Variants in TOM1L1 observed in about 807,000 individuals in gnomAD.
TOM1L1 encodes the protein target of myb1 like 1 membrane trafficking protein, also known as TOM1-like protein 1.
Under a neutral mutation model 63.4 loss-of-function variants are expected in TOM1L1, and 64 were observed. That is an observed-to-expected ratio of 1.01 (90% CI 0.83 to 1.24). The LOEUF is 1.24. TOM1L1 is among the 50% of genes most tolerant of loss of function. TOM1L1 has a pLI of 0.00. For missense variants in TOM1L1, 536 were observed against 567.0 expected, an observed-to-expected ratio of 0.95 and a Z score of 0.55; for synonymous variants, 166 against 194.4, an observed-to-expected ratio of 0.85 and a Z score of 1.22.
chr17:54,905,623 T>C, intron 3 of TOM1L1, 56 bp downstream of exon 3: 1 of 1,127,730 alleles, frequency 8.9e-7, no homozygotes, highest in Non-Finnish European at 1.3e-6. Context: ...TATAGTTACA[T>C]TTTTAATCCT....
At chr17:54,943,801 AC>A (rs2049071742) in intron 11 of TOM1L1, among the ~76,000 whole-genome samples, 1 of 151,778 alleles carries the variant, frequency 6.6e-6, no homozygotes, top group Non-Finnish European at 1.5e-5. Context: ...ATACGGTGAA[AC>A]CCTGTCTCTA....
chr17:54,928,376 A>C (rs576525554), intron 7 of TOM1L1, among the ~76,000 whole-genome samples: 103 of 151,264 alleles, frequency 6.8e-4, no homozygotes, highest in Non-Finnish European at 1.0e-3. Context: ...CCAAAAAAAA[A>C]CAAAACAACA....
Position 54,930,062 on chromosome 17 carries a change from T to C in TOM1L1, c.721-11T>C, listed in dbSNP as rs1485840405. The C allele has an allele frequency of 6.2e-7, 1 of 1,614,002 alleles. No homozygotes were observed. The highest frequency in any genetic ancestry group is 8.5e-7 in the Non-Finnish European group (1 of 1,179,944). On this transcript the variant is annotated splice_polypyrimidine_tract_variant and intron_variant, in intron 7 of 15. Transcript: ENST00000575882. The stretch of plus-strand genomic sequence containing the variant: ...GTGTGGAAGAAGAAATCTCTCTCCT[T>C]TCTTTGACAGAAACTCTATAAAACA...
In TOM1L1 at chr17:54,915,804, C is replaced by T. The variant is rs1368208600; in HGVS notation, c.662C>T (p.Ala221Val). The T allele has an allele frequency of 6.2e-7, 1 of 1,613,442 alleles. No homozygotes were observed. The highest frequency in any genetic ancestry group is 8.5e-7 in the Non-Finnish European group (1 of 1,179,736). The part of the protein sequence containing the change: ...MVKMNVRVMS[A>V]ILMENTPGSE... ...AAAATGAATGTGCGAGTGATGTCCG[C>T]CATATTGATGGAGAATACTCCTGGG... The change falls in exon 7 of 16, where the codon GCC becomes GTC. Residue 221 changes from alanine (A) to valine (V), a missense_variant. Transcript: ENST00000575882.
chr17:54,930,258 C>T (rs776153364), intron 8 of TOM1L1, 52 bp downstream of exon 8: 1 of 1,608,064 alleles, frequency 6.2e-7, no homozygotes, highest in South Asian at 1.1e-5. Context: ...ACTTTCACCA[C>T]CAATTACTCA....
chr17:54,958,747 A>G (rs117454107), intron 14 of TOM1L1, among the ~76,000 whole-genome samples: 3 of 114,962 alleles, frequency 2.6e-5, no homozygotes, highest in Admixed American at 8.7e-5. Context: ...AAAAAAAAAA[A>G]AGGGGTTGTT....
In TOM1L1 at chr17:54,903,210, T is replaced by TA. The variant is rs200654966; in HGVS notation, c.59-493dup. 1.1e-3 allele frequency among the ~76,000 whole-genome samples: 172 copies of TA among 152,334 alleles called. 2 individuals are homozygous for TA. In the East Asian group the frequency reaches 0.032, roughly 28 times the overall value. ...GTCCCCCCAGAGAATAAATTATTTT[T>TA]AAAAACAAACAGTGGGACCAAACAA... On this transcript the variant is annotated intron_variant, in intron 1 of 15. Coordinates refer to ENST00000575882, the MANE Select transcript of TOM1L1 (RefSeq NM_005486.3).
rs2049137824 is a variant in TOM1L1, at chr17:54,947,360, T to G, written c.1182+48T>G. On this transcript the variant is annotated intron_variant, in intron 12 of 15. Coordinates refer to ENST00000575882, the MANE Select transcript of TOM1L1 (RefSeq NM_005486.3). Reference sequence around the variant, plus strand: ...AGCAGTGCATCTAGTCAGCAGATTATTGTAGCCAGAAAAGAACTCATGGTC... The same window carrying G: ...AGCAGTGCATCTAGTCAGCAGATTAGTGTAGCCAGAAAAGAACTCATGGTC... 3 of 1,581,020 alleles carry G rather than the reference T, an allele frequency of 1.9e-6. No homozygotes were observed. The East Asian group carries it at 6.7e-5, about 35-fold the overall frequency.
intron 1 of TOM1L1, among the ~76,000 whole-genome samples, chr17:54,902,827 G>A (rs2048349699): frequency 6.6e-6 from 1 of 152,220 alleles, no homozygotes; most frequent in African/African-American, 2.4e-5. Context: ...TGTCTGGAGA[G>A]GGAAAGATGC....
At chr17:54,948,956 T>C (rs977159577) in intron 12 of TOM1L1, among the ~76,000 whole-genome samples, 1 of 152,050 alleles carries the variant, frequency 6.6e-6, no homozygotes, top group Non-Finnish European at 1.5e-5. Flanking sequence ...GCTTCATTTT[T>C]AAAAGCAATA....
chr17:54,901,692 A>C (rs139175152), intron 1 of TOM1L1, among the ~76,000 whole-genome samples: 321 of 152,206 alleles, frequency 2.1e-3, no homozygotes, highest in Non-Finnish European at 3.6e-3. Flanking sequence ...TGCCAGGCAA[A>C]GTGTGATGAT....
intron 14 of TOM1L1, chr17:54,958,168 G>A (rs1288833473): frequency 6.6e-6 from 1 of 152,242 alleles, no homozygotes; most frequent in Non-Finnish European, 1.5e-5. Context: ...AAGTTAACAG[G>A]GAGCTCAGTA....
intron 11 of TOM1L1, among the ~76,000 whole-genome samples, chr17:54,945,809 G>C (rs1162878851): frequency 6.6e-6 from 1 of 151,650 alleles, no homozygotes; most frequent in Non-Finnish European, 1.5e-5. Context: ...TTTGGAGCAT[G>C]TGTACAATAG....
intron 14 of TOM1L1, among the ~76,000 whole-genome samples, chr17:54,959,818 T>C (rs1242901509): frequency 6.6e-6 from 1 of 152,050 alleles, no homozygotes; most frequent in East Asian, 1.9e-4. Flanking sequence ...TATTTTGCCA[T>C]GTTGTTCATA....
At chr17:54,927,049 G>T (rs949607177) in intron 7 of TOM1L1, among the ~76,000 whole-genome samples, 3 of 152,198 alleles carry the variant, frequency 2.0e-5, no homozygotes, top group Admixed American at 6.5e-5. Context: ...ACTTTAATAT[G>T]TTAATGCTTT....
chr17:54,939,583 G>A (rs764923230), intron 11 of TOM1L1, among the ~76,000 whole-genome samples: 1 of 151,988 alleles, frequency 6.6e-6, no homozygotes. Flanking sequence ...GTTAGGTCAG[G>A]GTCTTGCTCT....
chr17:54,933,651 T>G (rs2048900424), intron 8 of TOM1L1, among the ~76,000 whole-genome samples: 1 of 152,170 alleles, frequency 6.6e-6, no homozygotes, highest in Non-Finnish European at 1.5e-5. Flanking sequence ...GCCTCCTGAG[T>G]AGCTGGGACG....
Position 54,930,108 on chromosome 17 carries a change from G to A in TOM1L1, c.756G>A (p.Arg252=), listed in dbSNP as rs2048833779. 2 of 1,614,140 alleles carry A rather than the reference G, an allele frequency of 1.2e-6. No individual in the cohort carries two copies. The highest frequency in any genetic ancestry group is 1.7e-6 in the Non-Finnish European group (2 of 1,180,016). The change falls in exon 8 of 16, where the codon AGG becomes AGA. Residue 252 remains arginine (R), a synonymous_variant. Coordinates refer to ENST00000575882, the MANE Select transcript of TOM1L1 (RefSeq NM_005486.3). ...AAACAGGTCGGGAGATGCAGGAGAG[G>A]ATCATGGACCTGCTTGTGGTGGTGG... The part of the protein sequence containing the change: ...LYKTGREMQE[R]IMDLLVVVEN...
chr17:54,950,127 G>A lies in TOM1L1; in HGVS notation c.1370+1G>A, dbSNP rs1356010331. The A allele has an allele frequency of 6.2e-7, 1 of 1,606,546 alleles. No individual in the cohort carries two copies. Among genetic ancestry groups the A allele is most frequent in the South Asian group, 1.1e-5 (1 of 90,524 alleles). On this transcript the variant is annotated splice_donor_variant, in intron 14 of 15. Transcript: ENST00000575882. LOFTEE classifies it high-confidence loss of function. ...CCTTAGCTCCTGCTGTCACTACAGA[G>A]TAAGTCATTTACAAAATGATTAATT...
Sources: gnomAD v4.1 joint callset for allele counts (sites outside exome capture counted in the v4.1 genomes callset) on GRCh38, gnomAD v4.1.1 for gene constraint, MANE v1.5 for transcripts, NCBI Gene and HGNC (gene_info 2026-07-23, HGNC 2026-07-21) for gene names.